Variants in PDE3B observed in about 807,000 individuals in gnomAD.
PDE3B encodes the protein phosphodiesterase 3B.
In PDE3B, 66 loss-of-function variants were observed where a neutral mutation model predicts 116.8. The observed-to-expected ratio is 0.56, with a 90% CI of 0.46 to 0.69. The LOEUF (loss-of-function observed/expected upper bound fraction) is 0.69, where lower values mean the gene tolerates loss of function less well. Among genes scored for constraint, PDE3B ranks in the 30% least tolerant of loss-of-function variants. The pLI, the probability that PDE3B is intolerant of heterozygous loss-of-function variation, is 0.00. For synonymous variants in PDE3B, 595 were observed against 533.6 expected (o/e 1.12, Z -1.59); for missense variants, 1,384 against 1,368.1 (o/e 1.01, Z -0.18).
chr11:14,850,981 A>ATTT (rs143254814), intron 12 of PDE3B, among the ~76,000 whole-genome samples: 26 of 103,356 alleles, frequency 2.5e-4, no homozygotes, highest in African/African-American at 4.4e-4. Flanking sequence ...ACACCCAGCT[A>ATTT]TTTTTTTTTT....
At chr11:14,836,939 A>T (rs1860074529) in intron 11 of PDE3B, among the ~76,000 whole-genome samples, 1 of 152,150 alleles carries the variant, frequency 6.6e-6, no homozygotes. Flanking sequence ...TCAGTCTCCC[A>T]AGCAGCTGGG....
chr11:14,803,704 T>C (rs905019526), intron 4 of PDE3B, among the ~76,000 whole-genome samples: 3 of 152,254 alleles, frequency 2.0e-5, no homozygotes, highest in African/African-American at 7.2e-5. Flanking sequence ...AGTTTGTGGA[T>C]GCTTTTGTGC....
intron 1 of PDE3B, among the ~76,000 whole-genome samples, chr11:14,757,102 A>T (rs1212671657): frequency 1.3e-5 from 2 of 152,058 alleles, no homozygotes; most frequent in Non-Finnish European, 2.9e-5. Context: ...GATTTCCAGT[A>T]TCATCCATGT....
At chr11:14,694,554 A>G (rs1855146614) in intron 1 of PDE3B, among the ~76,000 whole-genome samples, 1 of 152,174 alleles carries the variant, frequency 6.6e-6, no homozygotes, top group Non-Finnish European at 1.5e-5. Context: ...GCAATAGAGT[A>G]TTTTTAGATT....
chr11:14,880,184 C>T, the PDE3B span: 1 of 1,612,912 alleles, frequency 6.2e-7, no homozygotes, highest in East Asian at 2.2e-5. Flanking sequence ...CACCGTAGCA[C>T]ATTGGTTGTA....
chr11:14,704,328 G>T (rs1409921355), intron 1 of PDE3B, among the ~76,000 whole-genome samples: 2 of 151,720 alleles, frequency 1.3e-5, no homozygotes, highest in Admixed American at 1.3e-4. Flanking sequence ...TAATTCTAAT[G>T]TGCAGCCAGA....
the PDE3B span, chr11:14,891,236 A>G: frequency 1.0e-6 from 1 of 984,960 alleles, no homozygotes; most frequent in African/African-American, 1.7e-5. Flanking sequence ...GGAGGAGCGA[A>G]GTACCGACCT....
intron 14 of PDE3B, among the ~76,000 whole-genome samples, chr11:14,866,958 C>T (rs561938673): frequency 7.2e-5 from 11 of 151,806 alleles, no homozygotes; most frequent in African/African-American, 2.2e-4. Flanking sequence ...GAAGGCAGGC[C>T]GTTGGGGATC....
intron 1 of PDE3B, among the ~76,000 whole-genome samples, chr11:14,678,820 C>T (rs2133791229): frequency 6.6e-6 from 1 of 152,106 alleles, no homozygotes; most frequent in East Asian, 1.9e-4. Context: ...TATTTAAGAA[C>T]TTTTTAACCA....
At chr11:14,733,838 T>C (rs1231398533) in intron 1 of PDE3B, among the ~76,000 whole-genome samples, 1 of 152,084 alleles carries the variant, frequency 6.6e-6, no homozygotes, top group Non-Finnish European at 1.5e-5. Flanking sequence ...AATTTAGCCA[T>C]GAACACAGCC....
intron 1 of PDE3B, among the ~76,000 whole-genome samples, chr11:14,688,471 T>C (rs939617623): frequency 6.6e-6 from 1 of 152,160 alleles, no homozygotes; most frequent in Non-Finnish European, 1.5e-5. Flanking sequence ...GTGTTTACAA[T>C]GAGGCCTTTC....
At chr11:14,661,069 G>A (rs746128230) in intron 1 of PDE3B, among the ~76,000 whole-genome samples, 9 of 152,178 alleles carry the variant, frequency 5.9e-5, no homozygotes, top group Non-Finnish European at 8.8e-5. Context: ...TACACTGTTG[G>A]TGGGACTATA....
intron 1 of PDE3B, among the ~76,000 whole-genome samples, chr11:14,759,882 C>A (rs550423639): frequency 1.3e-5 from 2 of 152,172 alleles, no homozygotes; most frequent in East Asian, 3.9e-4. Context: ...AGCTCAGCTT[C>A]AGGAGGAGGC....
At chr11:14,721,804 T>C (rs1246757882) in intron 1 of PDE3B, among the ~76,000 whole-genome samples, 3 of 110,224 alleles carry the variant, frequency 2.7e-5, no homozygotes, top group East Asian at 3.0e-4. Flanking sequence ...AGGGGTAGCA[T>C]TGGGAGATAT....
rs1255925703 is a variant in PDE3B at position 14,722,833 on chromosome 11, G to C, written c.979-49104G>C. Among the ~76,000 whole-genome samples, 4 of 152,110 alleles carry C rather than the reference G, an allele frequency of 2.6e-5. No homozygotes were observed. The East Asian group carries it at 5.8e-4, about 22-fold the overall frequency. ...GTTGTTTTAAGCTGCTTAGTTTTGG[G>C]GTAATTTTTTTATGTAGAAGAAGCT... On this transcript the variant is annotated intron_variant, in intron 1 of 15. Transcript: ENST00000282096.
intron 1 of PDE3B, among the ~76,000 whole-genome samples, chr11:14,645,808 A>C (rs893021091): frequency 1.3e-5 from 2 of 152,126 alleles, no homozygotes; most frequent in African/African-American, 2.4e-5. Flanking sequence ...TCATTAGCAA[A>C]TGAGTTTACA....
chr11:14,890,844 G>C, the PDE3B span: 1 of 984,920 alleles, frequency 1.0e-6, no homozygotes, highest in Non-Finnish European at 1.2e-6. Context: ...CACCGCGCCC[G>C]GGCACCTAGA....
chr11:14,884,249 C>T, the PDE3B span, among the ~76,000 whole-genome samples: 1 of 151,838 alleles, frequency 6.6e-6, no homozygotes, highest in African/African-American at 2.4e-5. Flanking sequence ...TATTGCGGCA[C>T]TATTCACAAT....
intron 5 of PDE3B, among the ~76,000 whole-genome samples, chr11:14,811,635 G>C (rs534905769): frequency 6.6e-6 from 1 of 151,956 alleles, no homozygotes; most frequent in Non-Finnish European, 1.5e-5. Context: ...CTCTTTTTTG[G>C]TTCCATATGA....
Sources: allele counts gnomAD v4.1 joint callset (sites outside exome capture counted in the v4.1 genomes callset), GRCh38; gene constraint gnomAD v4.1.1; transcripts MANE v1.5; gene names NCBI Gene and HGNC (gene_info 2026-07-23, HGNC 2026-07-21).